FOCAD: variants seen among roughly 807,000 people sequenced by gnomAD.
The protein encoded by FOCAD is KIAA1797.
FOCAD carries 198 observed loss-of-function variants against 225.6 expected under a neutral mutation model. That is an observed-to-expected ratio of 0.88 (90% CI 0.78 to 0.99). The LOEUF is 0.99. Ranked by LOEUF, FOCAD falls within the 50% of genes least tolerant of loss-of-function variation. FOCAD has a pLI of 0.00. For missense variants in FOCAD, 2,713 were observed against 2,123.6 expected (o/e 1.28, Z -5.46); for synonymous variants, 897 against 755.0 (o/e 1.19, Z -3.08).
intron 1 of FOCAD, among the ~76,000 whole-genome samples, chr9:20,697,981 A>C (rs888857770): frequency 6.6e-6 from 1 of 152,236 alleles, no homozygotes; most frequent in Non-Finnish European, 1.5e-5. Flanking sequence ...CTTTCGCATT[A>C]AATAGTTCTT....
At chr9:20,867,100 T>G in intron 18 of FOCAD, 88 bp downstream of exon 18, 1 of 782,914 alleles carries the variant, frequency 1.3e-6, no homozygotes, top group East Asian at 2.5e-5. Flanking sequence ...ACTTACCTGA[T>G]GAATATATAC....
intron 18 of FOCAD, among the ~76,000 whole-genome samples, chr9:20,871,451 T>A (rs1000235340): frequency 6.6e-6 from 1 of 152,014 alleles, no homozygotes; most frequent in South Asian, 2.1e-4. Flanking sequence ...ACAGGAATTC[T>A]TTCAACTGAG....
At chr9:20,817,481 T>C (rs903614324) in intron 11 of FOCAD, among the ~76,000 whole-genome samples, 2 of 152,120 alleles carry the variant, frequency 1.3e-5, no homozygotes, top group African/African-American at 4.8e-5. Flanking sequence ...CATAATGTTT[T>C]CAAGGTTCAT....
intron 38 of FOCAD, 120 bp downstream of exon 38, chr9:20,981,806 A>G (rs968395618): frequency 1.8e-6 from 2 of 1,113,574 alleles, no homozygotes; most frequent in East Asian, 4.8e-5. Context: ...GCAAGAAATA[A>G]CCACATTCTT....
At chr9:20,801,608 A>C (rs910254832) in intron 11 of FOCAD, among the ~76,000 whole-genome samples, 1 of 152,176 alleles carries the variant, frequency 6.6e-6, no homozygotes, top group Admixed American at 6.5e-5. Context: ...TTTATACTTG[A>C]CATCTATATG....
chr9:20,933,745 T>A (rs1835701403), intron 28 of FOCAD, among the ~76,000 whole-genome samples: 1 of 152,224 alleles, frequency 6.6e-6, no homozygotes, highest in African/African-American at 2.4e-5. Context: ...GTGGGATTGC[T>A]GGATCAAATG....
At chr9:20,990,737 A>G (rs116245774) in intron 42 of FOCAD, among the ~76,000 whole-genome samples, 232 of 152,316 alleles carry the variant, frequency 1.5e-3, no homozygotes, top group African/African-American at 5.5e-3. Context: ...AGGATTGCAA[A>G]TCGTGTGATA....
chr9:20,724,949 G>A (rs938743526), intron 4 of FOCAD, among the ~76,000 whole-genome samples: 14 of 152,094 alleles, frequency 9.2e-5, no homozygotes, highest in Admixed American at 6.6e-5. Context: ...CAGGTACATC[G>A]CTTGAGGTCA....
intron 11 of FOCAD, among the ~76,000 whole-genome samples, chr9:20,797,430 T>G: frequency 6.6e-6 from 1 of 152,218 alleles, no homozygotes; most frequent in Non-Finnish European, 1.5e-5. Flanking sequence ...TTCACGATAT[T>G]GATTCTTCCT....
chr9:20,789,488 T>C lies in FOCAD; in HGVS notation c.1335T>C (p.Thr445=). The change falls in exon 11 of 44, where the codon ACT becomes ACC. Residue 445 remains threonine (T), a synonymous_variant. Transcript: ENST00000338382. ...LASVESLLPI[T]AVIPAPAFLL... The stretch of plus-strand genomic sequence containing the variant: ...CAGTAGAGTCATTGCTTCCTATTAC[T>C]GCTGTGATCCCTGCGCCTGCCTTTC... 6.2e-7 allele frequency: 1 copy of C among 1,614,020 alleles called. No homozygotes were observed. Among genetic ancestry groups the C allele is most frequent in the Non-Finnish European group, 8.5e-7 (1 of 1,179,984 alleles).
chr9:20,791,892 T>C (rs1312339195), intron 11 of FOCAD, among the ~76,000 whole-genome samples: 2 of 152,204 alleles, frequency 1.3e-5, no homozygotes, highest in Non-Finnish European at 2.9e-5. Flanking sequence ...GCAAAAAATG[T>C]AAAGCAGAAC....
At chr9:20,719,868 G>A (rs7022666) in intron 3 of FOCAD, among the ~76,000 whole-genome samples, 57,212 of 144,562 alleles carry the variant, frequency 0.4, 11,406 homozygotes, top group East Asian at 0.51. Context: ...CTGGGCCCAC[G>A]TTAGACTTCA....
intron 22 of FOCAD, among the ~76,000 whole-genome samples, chr9:20,910,177 A>C (rs1833320063): frequency 6.6e-6 from 1 of 152,100 alleles, no homozygotes. Flanking sequence ...CTTCCCATTA[A>C]GATAAAAAAT....
In FOCAD at chr9:20,820,364, G is replaced by C. The variant is rs910522015; in HGVS notation, c.1601G>C (p.Gly534Ala). 6.2e-7 allele frequency: 1 copy of C among 1,612,722 alleles called. No individual in the cohort carries two copies. Among genetic ancestry groups the C allele is most frequent in the Non-Finnish European group, 8.5e-7 (1 of 1,179,242 alleles). Residue 534 changes from glycine (G) to alanine (A), a missense_variant, in exon 13 of 44, where the codon GGA becomes GCA. Physicochemically the swap from Gly to Ala is moderately conservative, Grantham distance 60 (BLOSUM62 0). Transcript: ENST00000338382. The part of the protein sequence containing the change: ...GQILRIIQLL[G>A]TTPRLRAVTL... Reference sequence around the variant, plus strand: ...ATTCTACGAATAATACAACTACTTGGAACCACACCACGACTAAGAGCTGTC... The same window carrying C: ...ATTCTACGAATAATACAACTACTTGCAACCACACCACGACTAAGAGCTGTC...
intron 5 of FOCAD, among the ~76,000 whole-genome samples, chr9:20,748,873 A>G (rs2131722740): frequency 6.6e-6 from 1 of 152,296 alleles, no homozygotes; most frequent in South Asian, 2.1e-4. Context: ...TCTTCCAGTT[A>G]GCAGTAGCCA....
intron 28 of FOCAD, among the ~76,000 whole-genome samples, chr9:20,941,115 G>T (rs1836611602): frequency 6.6e-6 from 1 of 152,176 alleles, no homozygotes; most frequent in East Asian, 1.9e-4. Context: ...CTAGAAGGTA[G>T]TTAGTAGATG....
At chr9:20,966,588 C>T (rs1839278449) in intron 35 of FOCAD, among the ~76,000 whole-genome samples, 1 of 152,060 alleles carries the variant, frequency 6.6e-6, no homozygotes, top group African/African-American at 2.4e-5. Flanking sequence ...GAATCCATTG[C>T]CAAATCCAAG....
intron 3 of FOCAD, 82 bp from the exon 4 acceptor site, chr9:20,720,298 C>G (rs1825670096): frequency 7.4e-7 from 1 of 1,346,228 alleles, no homozygotes; most frequent in Non-Finnish European, 1.0e-6. Context: ...GAACAAATTA[C>G]TCATTGATGA....
chr9:20,791,891 G>A (rs758746008), intron 11 of FOCAD, among the ~76,000 whole-genome samples: 2 of 152,202 alleles, frequency 1.3e-5, no homozygotes, highest in Non-Finnish European at 2.9e-5. Context: ...GGCAAAAAAT[G>A]TAAAGCAGAA....
Sources: allele counts gnomAD v4.1 joint callset (sites outside exome capture counted in the v4.1 genomes callset), GRCh38; gene constraint gnomAD v4.1.1; transcripts MANE v1.5; gene names NCBI Gene and HGNC (gene_info 2026-07-23, HGNC 2026-07-21).